Variants in USP34 observed in about 807,000 individuals in gnomAD.
USP34 encodes the protein ubiquitin carboxyl-terminal hydrolase 34.
A neutral mutation model predicts 460.3 loss-of-function variants in USP34; 70 were observed. The ratio of observed to expected loss-of-function variants is 0.15; its 90% CI spans 0.13 to 0.19. The LOEUF (loss-of-function observed/expected upper bound fraction) is 0.19, where lower values mean the gene tolerates loss of function less well. USP34 is among the 10% of genes least tolerant of loss of function. The pLI, the probability that USP34 is intolerant of heterozygous loss-of-function variation, is 1.00. For missense variants in USP34, 3,985 were observed against 4,236.2 expected (o/e 0.94, Z 1.65); for synonymous variants, 1,647 against 1,405.3 (o/e 1.17, Z -3.85).
At chr2:61,339,301 C>CA (rs1691517856) in intron 18 of USP34, 50 bp downstream of exon 18, 1 of 1,566,378 alleles carries the variant, frequency 6.4e-7, no homozygotes, top group Non-Finnish European at 8.6e-7. Flanking sequence ...TGTCCCCCCA[C>CA]ACCCAAATAC....
At chr2:61,402,183 G>A (rs1387700941) in intron 3 of USP34, among the ~76,000 whole-genome samples, 2 of 152,056 alleles carry the variant, frequency 1.3e-5, no homozygotes, top group African/African-American at 2.4e-5. Context: ...AGGAGGCTGA[G>A]GTGGGTGGAT....
intron 51 of USP34, among the ~76,000 whole-genome samples, chr2:61,244,505 C>A (rs557010682): frequency 6.6e-6 from 1 of 151,894 alleles, no homozygotes; most frequent in South Asian, 2.1e-4. Flanking sequence ...ATCCCAGCTA[C>A]TCCCGAGGCT....
intron 69 of USP34, among the ~76,000 whole-genome samples, chr2:61,210,545 C>T (rs1687245090): frequency 6.6e-6 from 1 of 152,130 alleles, no homozygotes; most frequent in African/African-American, 2.4e-5. Flanking sequence ...ATTTATTTCT[C>T]AGAATGTAAC....
chr2:61,238,828 A>C (rs1688147057), intron 53 of USP34, among the ~76,000 whole-genome samples: 1 of 152,112 alleles, frequency 6.6e-6, no homozygotes, highest in African/African-American at 2.4e-5. Flanking sequence ...CAGATGCTGT[A>C]TTTTTAAACA....
At chr2:61,344,414 C>A (rs533854428) in intron 15 of USP34, among the ~76,000 whole-genome samples, 1 of 152,290 alleles carries the variant, frequency 6.6e-6, no homozygotes, top group East Asian at 1.9e-4. Flanking sequence ...CAATTTAAGG[C>A]TGCAGTCTTG....
At chr2:61,193,962 A>G (rs2103741943) in intron 75 of USP34, 1 of 287,878 alleles carries the variant, frequency 3.5e-6, no homozygotes, top group Non-Finnish European at 5.2e-6. Context: ...AAACACTGAA[A>G]TGGGAATCTC....
At chr2:61,383,406 TG>T (rs1313490386) in intron 5 of USP34, 70 bp from the exon 6 acceptor site, 1 of 1,253,800 alleles carries the variant, frequency 8.0e-7, no homozygotes, top group African/African-American at 1.5e-5. Flanking sequence ...ACTAAACTAA[TG>T]AAAAACAAGA....
chr2:61,245,823 T>C (rs187780631), intron 50 of USP34, among the ~76,000 whole-genome samples: 46 of 152,246 alleles, frequency 3.0e-4, no homozygotes, highest in Admixed American at 4.6e-4. Flanking sequence ...AGCACACATA[T>C]AGTACCTATA....
At chr2:61,438,205 A>C (rs1261571841) in intron 1 of USP34, among the ~76,000 whole-genome samples, 1 of 152,222 alleles carries the variant, frequency 6.6e-6, no homozygotes, top group Non-Finnish European at 1.5e-5. Context: ...AACATACGCA[A>C]ATCAATGGAT....
intron 1 of USP34, among the ~76,000 whole-genome samples, chr2:61,433,498 G>T (rs147802910): frequency 0.025 from 3,849 of 152,168 alleles, 168 homozygotes; most frequent in African/African-American, 0.088. Context: ...GCCGGGCGTG[G>T]TGGTGGGTGC....
At chr2:61,373,193 A>G (rs1325890794) in intron 8 of USP34, among the ~76,000 whole-genome samples, 1 of 152,124 alleles carries the variant, frequency 6.6e-6, no homozygotes, top group African/African-American at 2.4e-5. Context: ...CAATGCAATT[A>G]AAATGTCACA....
chr2:61,305,694 T>C (rs1177881023), intron 27 of USP34, among the ~76,000 whole-genome samples: 2 of 152,026 alleles, frequency 1.3e-5, no homozygotes, highest in Non-Finnish European at 2.9e-5. Context: ...GAAGGTAAAC[T>C]AAACCCAGAT....
chr2:61,227,055 G>T lies in USP34; in HGVS notation c.7595+12C>A. 1 of 1,574,288 alleles carries T rather than the reference G, an allele frequency of 6.4e-7. No individual in the cohort carries two copies. Among genetic ancestry groups the T allele is most frequent in the East Asian group, 2.3e-5 (1 of 43,956 alleles). ...AACATGCTTTAAACATTTTAAATTC[G>T]AAACATTTCACCTTTCTGATCGAGA... On this transcript the variant is annotated intron_variant, in intron 62 of 79. Coordinates refer to ENST00000398571, the MANE Select transcript of USP34 (RefSeq NM_014709.4).
At chr2:61,469,944 A>G (rs1558614336) in intron 1 of USP34, among the ~76,000 whole-genome samples, 1 of 152,222 alleles carries the variant, frequency 6.6e-6, no homozygotes, top group Non-Finnish European at 1.5e-5. Context: ...CTTTCCTTCC[A>G]AGAGAGATAG....
At chr2:61,457,972 T>C (rs1385376349) in intron 1 of USP34, among the ~76,000 whole-genome samples, 1 of 152,152 alleles carries the variant, frequency 6.6e-6, no homozygotes, top group African/African-American at 2.4e-5. Context: ...ACACCACATC[T>C]AGCCTACCCT....
intron 27 of USP34, among the ~76,000 whole-genome samples, chr2:61,305,272 G>A (rs909129598): frequency 6.6e-6 from 1 of 151,782 alleles, no homozygotes; most frequent in Non-Finnish European, 1.5e-5. Flanking sequence ...GCACTGAGCC[G>A]AGATTACGCC....
At chr2:61,227,335 C>G in intron 61 of USP34, 117 bp from the exon 62 acceptor site, 1 of 1,152,790 alleles carries the variant, frequency 8.7e-7, no homozygotes, top group Non-Finnish European at 1.2e-6. Flanking sequence ...ACATGAAAAA[C>G]AACTGCACAA....
intron 61 of USP34, among the ~76,000 whole-genome samples, chr2:61,227,453 G>A (rs919275996): frequency 2.0e-5 from 3 of 152,128 alleles, no homozygotes; most frequent in Admixed American, 6.6e-5. Flanking sequence ...GGTGGCTCAC[G>A]TAATCCCAGC....
chr2:61,196,913 G>A (rs1359825730), intron 75 of USP34, among the ~76,000 whole-genome samples: 4 of 152,136 alleles, frequency 2.6e-5, no homozygotes, highest in Non-Finnish European at 5.9e-5. Flanking sequence ...AAATACCATA[G>A]AGGCCTTTTA....
Sources: allele counts gnomAD v4.1 joint callset (sites outside exome capture counted in the v4.1 genomes callset), GRCh38; gene constraint gnomAD v4.1.1; transcripts MANE v1.5; gene names NCBI Gene and HGNC (gene_info 2026-07-23, HGNC 2026-07-21).